GYPC: variants seen among roughly 807,000 people sequenced by gnomAD.
GYPC encodes the protein glycophorin C (Gerbich blood group).
A neutral mutation model predicts 12.6 loss-of-function variants in GYPC; 14 were observed. The observed-to-expected ratio is 1.11, with a 90% CI of 0.74 to 1.74. The LOEUF (loss-of-function observed/expected upper bound fraction) is 1.74, where lower values mean the gene tolerates loss of function less well. Ranked by LOEUF, GYPC falls within the 40% of genes most tolerant of loss-of-function variation. The pLI, the probability that GYPC is intolerant of heterozygous loss-of-function variation, is 0.00. For synonymous variants in GYPC, 78 were observed against 62.1 expected (o/e 1.26, Z -1.20); for missense variants, 225 against 172.1 (o/e 1.31, Z -1.72).
At chr2:126,682,443 G>A (rs1683174944) in intron 1 of GYPC, among the ~76,000 whole-genome samples, 1 of 152,138 alleles carries the variant, frequency 6.6e-6, no homozygotes, top group Non-Finnish European at 1.5e-5. Flanking sequence ...CAGGGGACAC[G>A]CAGAAGGAAT....
chr2:126,692,100 T>C (rs1331891481), intron 2 of GYPC, among the ~76,000 whole-genome samples: 1 of 152,166 alleles, frequency 6.6e-6, no homozygotes, highest in Non-Finnish European at 1.5e-5. Context: ...CTCTATATAA[T>C]AAAGTCTAGC....
chr2:126,661,454 T>A (rs1682533083), intron 1 of GYPC, among the ~76,000 whole-genome samples: 1 of 146,566 alleles, frequency 6.8e-6, no homozygotes, highest in East Asian at 2.0e-4. Context: ...TCTCTCTCTC[T>A]CTTTTTTTTT....
intron 1 of GYPC, among the ~76,000 whole-genome samples, chr2:126,687,088 C>T (rs1452500287): frequency 1.3e-5 from 2 of 152,184 alleles, no homozygotes; most frequent in African/African-American, 4.8e-5. Context: ...CCAAGGGGGG[C>T]TCTCACCCCT....
At chr2:126,683,179 C>A (rs908165909) in intron 1 of GYPC, among the ~76,000 whole-genome samples, 1 of 152,150 alleles carries the variant, frequency 6.6e-6, no homozygotes, top group Non-Finnish European at 1.5e-5. Context: ...ATTAGCCAGA[C>A]ATGGTGGCAA....
intron 1 of GYPC, among the ~76,000 whole-genome samples, chr2:126,667,354 A>G (rs942688987): frequency 6.6e-6 from 1 of 151,506 alleles, no homozygotes; most frequent in Non-Finnish European, 1.5e-5. Flanking sequence ...GTTTCCAGAC[A>G]TGACTCCTAC....
Position 126,682,531 on chromosome 2 carries a change from C to A in GYPC, c.50-7724C>A, listed in dbSNP as rs569054230. On this transcript the variant is annotated intron_variant, in intron 1 of 3. Coordinates refer to ENST00000259254, the MANE Select transcript of GYPC (RefSeq NM_002101.5). Reference sequence around the variant, plus strand: ...TTCTTGAGAGCCTGGTTGCCGCTCACTCTCAGATGGTATCTCCCGCTTCTC... The same window carrying A: ...TTCTTGAGAGCCTGGTTGCCGCTCAATCTCAGATGGTATCTCCCGCTTCTC... Among the ~76,000 whole-genome samples, 3 of 152,302 alleles carry A rather than the reference C, an allele frequency of 2.0e-5. No homozygotes were observed. In the East Asian group the frequency reaches 5.8e-4, roughly 29 times the overall value.
In GYPC at chr2:126,656,180, A is replaced by G; in HGVS notation, c.-84A>G. 2 of 1,525,048 alleles carry G rather than the reference A, an allele frequency of 1.3e-6. No individual in the cohort carries two copies. The highest frequency in any genetic ancestry group is 1.8e-6 in the Non-Finnish European group (2 of 1,134,758). 94.5% of individuals were successfully genotyped at this position (1,525,048 alleles called of 1,614,324 possible). A position where few individuals can be genotyped will look rare whatever the true frequency, so the allele number is the denominator to read the frequency against. On this transcript the variant is annotated 5_prime_UTR_variant, in exon 1 of 4. Transcript: ENST00000259254. Reference sequence around the variant, plus strand: ...CTTCCTCTCGCCGCCGAGGGTCAGGAGCCCGGGAGCGCGACCCTCCCCCGG... The same window carrying G: ...CTTCCTCTCGCCGCCGAGGGTCAGGGGCCCGGGAGCGCGACCCTCCCCCGG...
chr2:126,678,521 T>G (rs546457302), intron 1 of GYPC: 4 of 152,204 alleles, frequency 2.6e-5, no homozygotes, highest in Admixed American at 6.5e-5. Context: ...GTAGGGAGAA[T>G]GCAGTGGCCT....
At chr2:126,661,315 G>A (rs1682529617) in intron 1 of GYPC, among the ~76,000 whole-genome samples, 1 of 152,130 alleles carries the variant, frequency 6.6e-6, no homozygotes. Flanking sequence ...CTGCCAACCT[G>A]CCTGGCTCTG....
intron 1 of GYPC, 66 bp from the exon 2 acceptor site, chr2:126,690,189 G>C: frequency 8.3e-7 from 1 of 1,208,368 alleles, no homozygotes; most frequent in Non-Finnish European, 1.2e-6. Context: ...TGCAGCTTGG[G>C]CCAAGGTGCT....
In GYPC at chr2:126,696,376, C is replaced by T. The variant is rs1307520809; in HGVS notation, c.*234C>T. 7.2e-5 allele frequency: 38 copies of T among 529,750 alleles called. No individual in the cohort carries two copies. The East Asian group carries it at 1.2e-3, about 17-fold the overall frequency. 32.8% of individuals were successfully genotyped at this position (529,750 alleles called of 1,614,324 possible). On this transcript the variant is annotated 3_prime_UTR_variant, in exon 4 of 4. Coordinates refer to ENST00000259254, the MANE Select transcript of GYPC (RefSeq NM_002101.5). Reference sequence around the variant, plus strand: ...GAGGCGATGGCCACCCCAGAGGCCACCTTTTGCTCCACGGAGGTGGGAGAA... The same window carrying T: ...GAGGCGATGGCCACCCCAGAGGCCATCTTTTGCTCCACGGAGGTGGGAGAA...
rs140918817 is a variant in GYPC, at chr2:126,664,457, A to G, written c.49+8145A>G. Among the ~76,000 whole-genome samples, 835 of 152,182 alleles carry G rather than the reference A, an allele frequency of 5.5e-3. 11 individuals carry two copies. Among genetic ancestry groups the G allele is most frequent in the African/African-American group, 0.019 (778 of 41,526 alleles). Reference sequence around the variant, plus strand: ...ACACCTCCTTCTCTTCCCCCTCTACATTGAAAGCTCAGCCAGGGCCTGACC... The same window carrying G: ...ACACCTCCTTCTCTTCCCCCTCTACGTTGAAAGCTCAGCCAGGGCCTGACC... On this transcript the variant is annotated intron_variant, in intron 1 of 3. Transcript: ENST00000259254.
chr2:126,691,749 G>A (rs569546504), intron 2 of GYPC, among the ~76,000 whole-genome samples: 2 of 152,254 alleles, frequency 1.3e-5, no homozygotes, highest in African/African-American at 2.4e-5. Flanking sequence ...CCTGCACCTG[G>A]CACCTAGTAA....
intron 1 of GYPC, among the ~76,000 whole-genome samples, chr2:126,662,505 A>G (rs943089038): frequency 6.6e-6 from 1 of 152,166 alleles, no homozygotes; most frequent in Non-Finnish European, 1.5e-5. Context: ...ATCCACTATG[A>G]GCTGGCTGTG....
rs1213397493 is a variant in GYPC at position 126,696,481 on chromosome 2, G to C, written c.*339G>C. 2.7e-6 allele frequency: 1 copy of C among 371,936 alleles called. No individual in the cohort carries two copies. The highest frequency in any genetic ancestry group is 5.2e-6 in the Non-Finnish European group (1 of 193,546). 23.0% of individuals were successfully genotyped at this position (371,936 alleles called of 1,614,324 possible). The stretch of plus-strand genomic sequence containing the variant: ...AGGAAAGTCCTTGTTGAGGGTGAGG[G>C]GGTGCTGGGGTACCCGGGGGCTGGG... On this transcript the variant is annotated 3_prime_UTR_variant, in exon 4 of 4. Coordinates refer to ENST00000259254, the MANE Select transcript of GYPC (RefSeq NM_002101.5).
intron 1 of GYPC, chr2:126,685,970 C>A: frequency 1.0e-6 from 1 of 985,362 alleles, no homozygotes; most frequent in Non-Finnish European, 1.2e-6. Context: ...AGCCCTCACC[C>A]TGTGCCTGAA....
At chr2:126,683,760 T>A (rs773695054) in intron 1 of GYPC, among the ~76,000 whole-genome samples, 1 of 152,150 alleles carries the variant, frequency 6.6e-6, no homozygotes, top group Non-Finnish European at 1.5e-5. Flanking sequence ...TGGGAGTACA[T>A]CCCAAAAGCA....
intron 1 of GYPC, among the ~76,000 whole-genome samples, chr2:126,677,197 G>T (rs1429714763): frequency 6.6e-6 from 1 of 152,052 alleles, no homozygotes; most frequent in African/African-American, 2.4e-5. Flanking sequence ...ATGAGAGTGT[G>T]TGTGTGCATG....
chr2:126,693,732 C>T (rs1349618881), intron 2 of GYPC, 132 bp from the exon 3 acceptor site: 3 of 754,036 alleles, frequency 4.0e-6, no homozygotes, highest in Non-Finnish European at 7.4e-6. Flanking sequence ...GGGTGCGCCG[C>T]ACTGCTCCTT....
Sources: gnomAD v4.1 joint callset for allele counts (sites outside exome capture counted in the v4.1 genomes callset) on GRCh38, gnomAD v4.1.1 for gene constraint, MANE v1.5 for transcripts, NCBI Gene and HGNC (gene_info 2026-07-23, HGNC 2026-07-21) for gene names.